Variants in LAMTOR5 observed in about 807,000 individuals in gnomAD.
LAMTOR5 encodes the protein ragulator complex protein LAMTOR5.
A neutral mutation model predicts 12.1 loss-of-function variants in LAMTOR5; 8 were observed. The observed-to-expected ratio is 0.66, with a 90% CI of 0.39 to 1.19. The LOEUF (loss-of-function observed/expected upper bound fraction) is 1.19. Ranked by LOEUF, LAMTOR5 falls within the 50% of genes most tolerant of loss-of-function variation. The pLI is 0.01. For synonymous variants in LAMTOR5, 37 were observed against 41.9 expected, an observed-to-expected ratio of 0.88 and a Z score of 0.45; for missense variants, 110 against 112.8, an observed-to-expected ratio of 0.97 and a Z score of 0.11.
upstream of LAMTOR5, chr1:110,407,885 G>C (rs1040998406): frequency 6.2e-7 from 1 of 1,608,634 alleles, no homozygotes; most frequent in Non-Finnish European, 8.5e-7. Flanking sequence ...CGGCCGGCAC[G>C]GATTATTCCC....
intron 2 of LAMTOR5, among the ~76,000 whole-genome samples, chr1:110,404,828 A>C (rs1188071380): frequency 2.0e-5 from 3 of 152,086 alleles, no homozygotes; most frequent in Non-Finnish European, 4.4e-5. Flanking sequence ...TGGGTGGATC[A>C]CCTGAGATAA....
chr1:110,405,686 T>C (rs977051876), intron 2 of LAMTOR5, among the ~76,000 whole-genome samples: 3 of 152,202 alleles, frequency 2.0e-5, no homozygotes, highest in Non-Finnish European at 4.4e-5. Context: ...AGAGTATATG[T>C]AAAGCACTTA....
Position 110,406,403 on chromosome 1 carries a change from T to C in LAMTOR5, c.36-24A>G, listed in dbSNP as rs776230452. Reference sequence around the variant, plus strand: ...TTCTAATTCCAGGAACACAAGAGAGTTGAAGTACATAATGGGAGAAAAAGG... The same window carrying C: ...TTCTAATTCCAGGAACACAAGAGAGCTGAAGTACATAATGGGAGAAAAAGG... On this transcript the variant is annotated intron_variant, in intron 1 of 3. Transcript: ENST00000602318. 108 of 1,559,702 alleles carry C rather than the reference T, an allele frequency of 6.9e-5. No individual in the cohort carries two copies. The South Asian group carries it at 1.2e-3, about 17-fold the overall frequency.
chr1:110,405,235 A>G (rs1663305001), intron 2 of LAMTOR5, among the ~76,000 whole-genome samples: 1 of 151,658 alleles, frequency 6.6e-6, no homozygotes, highest in Non-Finnish European at 1.5e-5. Flanking sequence ...ATCTCGGCTT[A>G]CTGCAACCTC....
chr1:110,407,696 A>G, upstream of LAMTOR5: 2 of 1,614,124 alleles, frequency 1.2e-6, no homozygotes, highest in African/African-American at 1.3e-5. Flanking sequence ...CAGTCACTTG[A>G]CGCGAGCGGG....
intron 2 of LAMTOR5, among the ~76,000 whole-genome samples, chr1:110,405,047 CAAAA>C (rs34710454): frequency 3.6e-4 from 22 of 61,366 alleles, no homozygotes; most frequent in African/African-American, 9.0e-4. Context: ...GATTTCGTCT[CAAAA>C]AAAAAAAAAA....
At chr1:110,407,788 C>A, upstream of LAMTOR5, 1 of 1,614,166 alleles carries the variant, frequency 6.2e-7, no homozygotes, top group Non-Finnish European at 8.5e-7. Context: ...AACATCACTG[C>A]GCTTCCGTCG....
At chr1:110,401,652 T>C (rs1663231512) in intron 3 of LAMTOR5, 69 bp from the exon 4 acceptor site, 1 of 1,508,798 alleles carries the variant, frequency 6.6e-7, no homozygotes. Context: ...TTAAAGATGT[T>C]GTTTGCTTTA....
chr1:110,405,327 AT>A (rs913613639), intron 2 of LAMTOR5, among the ~76,000 whole-genome samples: 4 of 149,908 alleles, frequency 2.7e-5, no homozygotes, highest in African/African-American at 4.9e-5. Context: ...TGCCTGGCTA[AT>A]TTTTTTTTGC....
At chr1:110,402,745 A>T (rs1005757380) in intron 3 of LAMTOR5, among the ~76,000 whole-genome samples, 11 of 152,256 alleles carry the variant, frequency 7.2e-5, no homozygotes, top group Admixed American at 4.6e-4. Flanking sequence ...GATATTGATG[A>T]TCCTGACCCT....
Position 110,401,425 on chromosome 1 carries a change from G to T in LAMTOR5, c.*98C>A. 7.5e-7 allele frequency: 1 copy of T among 1,339,890 alleles called. No individual in the cohort carries two copies. The allele number at this position is 1,339,890 out of a possible 1,614,324, so 83.0% of individuals were successfully genotyped here. On this transcript the variant is annotated 3_prime_UTR_variant, in exon 4 of 4. Transcript: ENST00000602318. Reference sequence around the variant, plus strand: ...GAAAAGTGCCTAATGCACATTAAATGAATGGCCTAACTACTGGAACTTTAG... The same window carrying T: ...GAAAAGTGCCTAATGCACATTAAATTAATGGCCTAACTACTGGAACTTTAG...
rs1344966256 is a variant in LAMTOR5 at position 110,401,342 on chromosome 1, T to C, written c.*181A>G. The C allele has an allele frequency of 2.0e-6, 1 of 489,150 alleles. No individual in the cohort carries two copies. Among genetic ancestry groups the C allele is most frequent in the East Asian group, 3.2e-5 (1 of 31,072 alleles). 30.3% of individuals were successfully genotyped at this position (489,150 alleles called of 1,614,324 possible). ...GCTTCAAAACATGATCCTTTCTTACTAATATCTTGATAGTCGGTCCATAGA... is the reference window on the plus strand; with the variant it reads ...GCTTCAAAACATGATCCTTTCTTACCAATATCTTGATAGTCGGTCCATAGA... On this transcript the variant is annotated 3_prime_UTR_variant, in exon 4 of 4. Coordinates refer to ENST00000602318, the MANE Select transcript of LAMTOR5 (RefSeq NM_001382293.1).
chr1:110,407,230 T>C, intron 1 of LAMTOR5: 1 of 579,964 alleles, frequency 1.7e-6, no homozygotes, highest in Non-Finnish European at 3.1e-6. Context: ...ACTGCAGGGC[T>C]CGACACTGCA....
Position 110,401,596 on chromosome 1 carries a change from A to G in LAMTOR5, c.216-13T>C, listed in dbSNP as rs748462690. Reference sequence around the variant, plus strand: ...GATCATAATGTTCCTGAAATGCAGGAAGAAAATATTCAGTAAAACGTAATC... The same window carrying G: ...GATCATAATGTTCCTGAAATGCAGGGAGAAAATATTCAGTAAAACGTAATC... On this transcript the variant is annotated splice_polypyrimidine_tract_variant and intron_variant, in intron 3 of 3. Transcript: ENST00000602318. 1.2e-6 allele frequency: 2 copies of G among 1,600,402 alleles called. No individual in the cohort carries two copies. Among genetic ancestry groups the G allele is most frequent in the Admixed American group, 1.7e-5 (1 of 59,840 alleles).
At chr1:110,402,121 C>T (rs2101107862) in intron 3 of LAMTOR5, among the ~76,000 whole-genome samples, 1 of 152,284 alleles carries the variant, frequency 6.6e-6, no homozygotes, top group Non-Finnish European at 1.5e-5. Context: ...ACACTACTCA[C>T]ATGTTTGTGG....
At chr1:110,403,849 G>A (rs768606598) in intron 3 of LAMTOR5, 70 bp downstream of exon 3, 107 of 1,591,154 alleles carry the variant, frequency 6.7e-5, no homozygotes, top group Non-Finnish European at 8.8e-5. Flanking sequence ...TGAACACAGG[G>A]CCGGCCCCCG....
chr1:110,404,181 T>G (rs947816020), intron 2 of LAMTOR5, 145 bp from the exon 3 acceptor site: 2 of 1,243,378 alleles, frequency 1.6e-6, no homozygotes, highest in African/African-American at 3.1e-5. Flanking sequence ...TAACTAAATC[T>G]CGGGTACAAA....
chr1:110,401,451 T>A lies in LAMTOR5; in HGVS notation c.*72A>T, dbSNP rs936046514. ...AATGGCCTAACTACTGGAACTTTAG[T>A]AGTTCTATAAGGTAATTAACATAGG... On this transcript the variant is annotated 3_prime_UTR_variant, in exon 4 of 4. Transcript: ENST00000602318. The A allele has an allele frequency of 6.6e-7, 1 of 1,507,372 alleles. No individual in the cohort carries two copies. The highest frequency in any genetic ancestry group is 1.8e-5 in the Admixed American group (1 of 55,598). The allele number at this position is 1,507,372 out of a possible 1,614,324, so 93.4% of individuals were successfully genotyped here.
At chr1:110,402,344 G>C (rs575116648) in intron 3 of LAMTOR5, among the ~76,000 whole-genome samples, 4 of 152,002 alleles carry the variant, frequency 2.6e-5, no homozygotes, top group Non-Finnish European at 4.4e-5. Flanking sequence ...TCTGCCTCCC[G>C]GGTTCAAGCA....
Sources: gnomAD v4.1 joint callset for allele counts (sites outside exome capture counted in the v4.1 genomes callset) on GRCh38, gnomAD v4.1.1 for gene constraint, MANE v1.5 for transcripts, NCBI Gene and HGNC (gene_info 2026-07-23, HGNC 2026-07-21) for gene names.